Variants in KAZN observed in about 807,000 individuals in gnomAD.
The protein encoded by KAZN is kazrin, periplakin interacting protein.
Under a neutral mutation model 87.4 loss-of-function variants are expected in KAZN, and 40 were observed. That is an observed-to-expected ratio of 0.46 (90% CI 0.36 to 0.60). KAZN has a LOEUF of 0.60. Ranked by LOEUF, KAZN falls within the 20% of genes least tolerant of loss-of-function variation. KAZN has a pLI of 0.00. For missense variants in KAZN, 898 were observed against 1,073.9 expected (o/e 0.84, Z 2.29); for synonymous variants, 466 against 458.3 (o/e 1.02, Z -0.22).
Position 14,231,787 on chromosome 1 carries a change from T to C in KAZN, c.249+51195T>C, listed in dbSNP as rs12096697. ...ACTATAATAGATAATTCTCCAAATC[T>C]CACCTGCTTAGTACAGCAAACATTT... On this transcript the variant is annotated intron_variant, in intron 2 of 16. Coordinates refer to the KAZN transcript ENST00000636203. Among the ~76,000 whole-genome samples, 1,499 of 152,328 alleles carry C rather than the reference T, an allele frequency of 9.8e-3. 19 individuals are homozygous for C. Among genetic ancestry groups the C allele is most frequent in the African/African-American group, 0.034 (1,429 of 41,572 alleles).
At chr1:15,092,097 A>C (rs1212739016) in intron 8 of KAZN, among the ~76,000 whole-genome samples, 3 of 95,736 alleles carry the variant, frequency 3.1e-5, no homozygotes, top group African/African-American at 1.4e-4. Flanking sequence ...TTTTTTGGAG[A>C]CGGAGTTTCA....
At chr1:14,115,385 T>C (rs942983482) in intron 1 of KAZN, among the ~76,000 whole-genome samples, 7 of 152,208 alleles carry the variant, frequency 4.6e-5, no homozygotes, top group Non-Finnish European at 1.0e-4. Flanking sequence ...TGGGAGGTAA[T>C]TGAATCATGG....
intron 1 of KAZN, among the ~76,000 whole-genome samples, chr1:14,127,760 T>C (rs1302966258): frequency 6.6e-6 from 1 of 152,210 alleles, no homozygotes; most frequent in African/African-American, 2.4e-5. Flanking sequence ...CAGAGGTATA[T>C]GAAGCCCACA....
intron 2 of KAZN, among the ~76,000 whole-genome samples, chr1:14,238,538 T>C (rs1014670105): frequency 2.6e-5 from 4 of 152,234 alleles, no homozygotes; most frequent in Non-Finnish European, 4.4e-5. Flanking sequence ...ACCAACATGT[T>C]AACAAACAAA....
intron 1 of KAZN, among the ~76,000 whole-genome samples, chr1:14,674,835 G>A (rs980599509): frequency 1.3e-5 from 2 of 152,010 alleles, no homozygotes; most frequent in African/African-American, 2.4e-5. Context: ...TGCCCAGGCT[G>A]GAGTGTAGTG....
chr1:15,060,361 G>A (rs886312182), intron 6 of KAZN, 59 bp downstream of exon 6: 61 of 1,602,780 alleles, frequency 3.8e-5, no homozygotes, highest in Non-Finnish European at 4.7e-5. Flanking sequence ...CTGCAGGGGC[G>A]GGGGTGGCGG....
Position 14,827,582 on chromosome 1 carries a change from T to C in KAZN, c.227-133102T>C, listed in dbSNP as rs191389552. Among the ~76,000 whole-genome samples, 172 of 152,308 alleles carry C rather than the reference T, an allele frequency of 1.1e-3. 1 individual carries two copies. The highest frequency in any genetic ancestry group is 3.9e-3 in the African/African-American group (162 of 41,562). On this transcript the variant is annotated intron_variant, in intron 1 of 14. Coordinates refer to ENST00000376030, the MANE Select transcript of KAZN (RefSeq NM_201628.3). ...TAGGCTGACAGACAGTAAAATTGCT[T>C]AGGGCTGAGCTGGGTTCAAGAGGAG...
intron 1 of KAZN, among the ~76,000 whole-genome samples, chr1:14,917,849 T>TCTTC (rs139509752): frequency 0.53 from 78,918 of 148,538 alleles, 21,899 homozygotes; most frequent in Admixed American, 0.66. Context: ...CTTCTTTCTT[T>TCTTC]CTTCCTTCCT....
chr1:14,873,435 CTT>C lies in KAZN; in HGVS notation c.227-87247_227-87246del, dbSNP rs1267944396. On this transcript the variant is annotated intron_variant, in intron 1 of 14. Transcript: ENST00000376030. ...GCTGCTGTTTCACATAGGGTGGTCT[CTT>C]TGGTAAAGCAGCATTTGAGAAAGCC... Among the ~76,000 whole-genome samples, 3 of 152,210 alleles carry C rather than the reference CTT, an allele frequency of 2.0e-5. No individual in the cohort carries two copies. The East Asian group carries it at 5.8e-4, about 29-fold the overall frequency.
intron 1 of KAZN, among the ~76,000 whole-genome samples, chr1:13,927,635 G>A (rs1311911232): frequency 6.6e-6 from 1 of 152,144 alleles, no homozygotes; most frequent in East Asian, 1.9e-4. Context: ...TCTCTTTTGA[G>A]CCAGGCATGT....
chr1:14,141,256 A>C (rs1328933603), intron 1 of KAZN, among the ~76,000 whole-genome samples: 2 of 148,900 alleles, frequency 1.3e-5, no homozygotes, highest in South Asian at 4.3e-4. Flanking sequence ...AAAAAAAACA[A>C]AACTAAAAAT....
At chr1:14,683,213 G>A (rs7532295) in intron 1 of KAZN, among the ~76,000 whole-genome samples, 25,427 of 152,116 alleles carry the variant, frequency 0.17, 2,350 homozygotes, top group Admixed American at 0.27. Context: ...AAAAACAGGC[G>A]GAGTTAATTG....
At chr1:14,214,902 G>A (rs1386725774) in intron 2 of KAZN, among the ~76,000 whole-genome samples, 4 of 152,216 alleles carry the variant, frequency 2.6e-5, no homozygotes, top group Non-Finnish European at 5.9e-5. Flanking sequence ...AGAACTTATG[G>A]TTGGGAAGGA....
chr1:14,406,779 A>G (rs1234931122), intron 2 of KAZN, among the ~76,000 whole-genome samples: 1 of 152,224 alleles, frequency 6.6e-6, no homozygotes, highest in Admixed American at 6.5e-5. Context: ...ATTTGAGCAA[A>G]TATCTGGATG....
At chr1:13,913,222 A>G (rs986173221) in intron 1 of KAZN, among the ~76,000 whole-genome samples, 6 of 152,204 alleles carry the variant, frequency 3.9e-5, no homozygotes, top group African/African-American at 1.4e-4. Context: ...GACATCAGGA[A>G]GAAGTAGAGG....
intron 1 of KAZN, among the ~76,000 whole-genome samples, chr1:14,071,644 C>T (rs962809399): frequency 3.3e-5 from 5 of 152,194 alleles, no homozygotes; most frequent in African/African-American, 9.7e-5. Context: ...ATGGTGTGTC[C>T]TCAGCAGGTA....
chr1:14,636,310 C>G (rs1374047150), intron 1 of KAZN, among the ~76,000 whole-genome samples: 3 of 152,176 alleles, frequency 2.0e-5, no homozygotes, highest in Non-Finnish European at 4.4e-5. Context: ...AAATCAAACT[C>G]AGTGGTCCCC....
intron 2 of KAZN, among the ~76,000 whole-genome samples, chr1:14,508,786 G>A (rs969642299): frequency 1.3e-5 from 2 of 152,118 alleles, no homozygotes; most frequent in African/African-American, 4.8e-5. Flanking sequence ...GAAAAATCTC[G>A]GCCATAATAG....
At chr1:15,057,910 G>A (rs1330643199) in intron 5 of KAZN, among the ~76,000 whole-genome samples, 1 of 152,224 alleles carries the variant, frequency 6.6e-6, no homozygotes, top group Non-Finnish European at 1.5e-5. Context: ...TCTCCTCAAT[G>A]GAGCTGGCTC....
Sources: gnomAD v4.1 joint callset for allele counts (sites outside exome capture counted in the v4.1 genomes callset) on GRCh38, gnomAD v4.1.1 for gene constraint, MANE v1.5 for transcripts, NCBI Gene and HGNC (gene_info 2026-07-23, HGNC 2026-07-21) for gene names.